FHDC1: variants seen among roughly 807,000 people sequenced by gnomAD.
The protein encoded by FHDC1 is FH2 domain containing 1.
FHDC1 carries 25 observed loss-of-function variants against 52.6 expected under a neutral mutation model. The ratio of observed to expected loss-of-function variants is 0.48; its 90% confidence interval spans 0.35 to 0.66. The LOEUF is 0.66. Ranked by LOEUF, FHDC1 falls within the 30% of genes least tolerant of loss-of-function variation. The pLI, the probability that FHDC1 is intolerant of heterozygous loss-of-function variation, is 0.01. For missense variants in FHDC1, 1,459 were observed against 1,452.8 expected (o/e 1.00, Z -0.07); for synonymous variants, 616 against 581.5 (o/e 1.06, Z -0.85).
Position 152,975,021 on chromosome 4 carries a change from G to C in FHDC1, c.1730G>C (p.Arg577Pro), listed in dbSNP as rs374872833. 143 of 1,612,510 alleles carry C rather than the reference G, an allele frequency of 8.9e-5. No individual in the cohort carries two copies. The highest frequency in any genetic ancestry group is 1.7e-4 in the Admixed American group (10 of 59,998). ...CACAGCCTGCCCCGGAGCAGCCCCCGGCAGGCCCGGCCCACGATAGCCTGC... is the reference window on the plus strand; with the variant it reads ...CACAGCCTGCCCCGGAGCAGCCCCCCGCAGGCCCGGCCCACGATAGCCTGC... The part of the protein sequence containing the change: ...KFHSLPRSSP[R>P]QARPTIACLE... Residue 577 changes from arginine (R) to proline (P), a missense_variant, in exon 12 of 12, where the codon CGG (arginine) becomes CCG (proline). Coordinates refer to ENST00000511601, the MANE Select transcript of FHDC1 (RefSeq NM_001371116.1).
At position 152,942,970 on chromosome 4, in the gene FHDC1, C is replaced by A. The variant is rs1739615584; in HGVS notation, c.-88C>A. ...TGCCCTTTATTCTGGCGGCAGATAG[C>A]AGCAGGTGAAAAAGTGCTACACAAG... On this transcript the variant is annotated 5_prime_UTR_variant, in exon 2 of 12. Transcript: ENST00000511601. 1.4e-6 allele frequency: 2 copies of A among 1,423,480 alleles called. No homozygotes were observed. The highest frequency in any genetic ancestry group is 1.9e-6 in the Non-Finnish European group (2 of 1,044,372). 88.2% of individuals were successfully genotyped at this position (1,423,480 alleles called of 1,614,324 possible). A position where few individuals can be genotyped will look rare whatever the true frequency, so the allele number is the denominator to read the frequency against.
At chr4:152,955,849 C>A (rs1432369760) in intron 4 of FHDC1, among the ~76,000 whole-genome samples, 1 of 152,206 alleles carries the variant, frequency 6.6e-6, no homozygotes, top group Non-Finnish European at 1.5e-5. Flanking sequence ...TGACTTCTCC[C>A]TCCCCTTTCC....
chr4:152,969,770 G>A (rs1740581609), intron 10 of FHDC1, among the ~76,000 whole-genome samples: 1 of 150,716 alleles, frequency 6.6e-6, no homozygotes, highest in African/African-American at 2.4e-5. Flanking sequence ...CCTGGGTTCA[G>A]GTGAGTCTCC....
Position 152,976,114 on chromosome 4 carries a change from C to T in FHDC1, c.2823C>T (p.Arg941=). ...PPSSTDTVWS[R]QNSVRRASTG... ...GCAGCACAGATACTGTGTGGTCACG[C>T]CAGAACTCCGTGCGGAGGGCCTCCA... Residue 941 remains arginine, a synonymous_variant, in exon 12 of 12, where the codon CGC becomes CGT. Coordinates refer to ENST00000511601, the MANE Select transcript of FHDC1 (RefSeq NM_001371116.1). The T allele has an allele frequency of 6.2e-7, 1 of 1,611,102 alleles. No homozygotes were observed. Among genetic ancestry groups the T allele is most frequent in the South Asian group, 1.1e-5 (1 of 90,748 alleles).
the FHDC1 span, chr4:152,927,703 G>A: frequency 6.6e-7 from 1 of 1,522,738 alleles, no homozygotes; most frequent in Admixed American, 1.7e-5. Flanking sequence ...ATGAAGATGA[G>A]ACCAACTTCC....
chr4:152,928,089 T>G, the FHDC1 span: 5 of 1,283,418 alleles, frequency 3.9e-6, no homozygotes, highest in Non-Finnish European at 5.7e-6. Flanking sequence ...CTCCCAGGCC[T>G]GTGCACCTAC....
the FHDC1 span, among the ~76,000 whole-genome samples, chr4:152,921,738 G>A: frequency 1.3e-5 from 2 of 152,000 alleles, no homozygotes; most frequent in African/African-American, 4.8e-5. Context: ...CCTTTGGGCT[G>A]CATTCATAGC....
At chr4:152,939,677 A>G (rs1739522405) in intron 1 of FHDC1, among the ~76,000 whole-genome samples, 1 of 152,236 alleles carries the variant, frequency 6.6e-6, no homozygotes, top group Non-Finnish European at 1.5e-5. Flanking sequence ...CATCACTCAA[A>G]CACAACTCTG....
intron 10 of FHDC1, among the ~76,000 whole-genome samples, chr4:152,968,795 C>T (rs1047302356): frequency 6.6e-6 from 1 of 152,122 alleles, no homozygotes; most frequent in Non-Finnish European, 1.5e-5. Flanking sequence ...GTTAAACTTT[C>T]GGATAACAGA....
Position 152,976,536 on chromosome 4 carries a change from A to G in FHDC1, c.3245A>G (p.Asp1082Gly). The change falls in exon 12 of 12, where the codon GAC becomes GGC. Residue 1082 changes from aspartate to glycine, a missense_variant. By Grantham distance (94) the Asp-to-Gly change is moderately conservative. Around this residue, in one of 3 missense-constraint regions of FHDC1, gnomAD observed 939 missense variants for 854.5 expected, o/e 1.10. Coordinates refer to ENST00000511601, the MANE Select transcript of FHDC1 (RefSeq NM_001371116.1). ...KGDPEDAAPKDSSTLRRASSA... is the reference protein window; with the variant it reads ...KGDPEDAAPKGSSTLRRASSA... ...GACCCCGAGGATGCCGCTCCCAAGG[A>G]CAGCAGCACTTTGAGGCGAGCCAGC... 1 of 1,613,080 alleles carries G rather than the reference A, an allele frequency of 6.2e-7. No homozygotes were observed. The highest frequency in any genetic ancestry group is 1.1e-5 in the South Asian group (1 of 91,060).
chr4:152,953,529 A>G lies in FHDC1; in HGVS notation c.529A>G (p.Asn177Asp). Residue 177 changes from asparagine (N) to aspartate (D), a missense_variant, in exon 3 of 12, where the codon AAC (asparagine) becomes GAC (aspartate). Physicochemically the swap from Asn to Asp is conservative, Grantham distance 23. Transcript: ENST00000511601. ...TATTTTGGATGCAAAACGGAGCATG[A>G]ACATTGGGATATTTCTTAAGCAATT... ...ITILDAKRSMNIGIFLKQFKK... is the reference protein window; with the variant it reads ...ITILDAKRSMDIGIFLKQFKK... 1 of 1,612,640 alleles carries G rather than the reference A, an allele frequency of 6.2e-7. No individual in the cohort carries two copies. The highest frequency in any genetic ancestry group is 8.5e-7 in the Non-Finnish European group (1 of 1,179,906).
the FHDC1 span, chr4:152,928,345 C>T: frequency 3.7e-5 from 17 of 460,590 alleles, no homozygotes; most frequent in Non-Finnish European, 5.6e-5. Context: ...TTAACCAATC[C>T]AATCTAAAAA....
At chr4:152,957,843 A>G (rs749200008) in intron 4 of FHDC1, among the ~76,000 whole-genome samples, 2 of 152,306 alleles carry the variant, frequency 1.3e-5, no homozygotes, top group Non-Finnish European at 2.9e-5. Flanking sequence ...TCACACTTGC[A>G]GAGGAAGAAG....
intron 2 of FHDC1, among the ~76,000 whole-genome samples, chr4:152,946,954 C>T (rs1739750832): frequency 6.6e-6 from 1 of 152,094 alleles, no homozygotes; most frequent in African/African-American, 2.4e-5. Context: ...CACGGTGGCT[C>T]GCACCTGTAA....
Position 152,975,671 on chromosome 4 carries a change from A to AGAGGCGGGGACCCGGAGG in FHDC1, c.2381_2398dup (p.Glu799_Glu800insGlyGlyGlyAspProGlu), listed in dbSNP as rs764544733. 46 of 1,613,054 alleles carry AGAGGCGGGGACCCGGAGG rather than the reference A, an allele frequency of 2.9e-5. No individual in the cohort carries two copies. Among genetic ancestry groups the AGAGGCGGGGACCCGGAGG allele is most frequent in the Non-Finnish European group, 3.7e-5 (44 of 1,179,710 alleles). ...CTCAGAGGGAACCGACTCCAGACCC[A>AGAGGCGGGGACCCGGAGG]GAGGCGGGGACCCGGAGGAAGGCGG... On this transcript the variant is annotated inframe_insertion, in exon 12 of 12. Coordinates refer to ENST00000511601, the MANE Select transcript of FHDC1 (RefSeq NM_001371116.1).
chr4:152,911,872 G>A, the FHDC1 span: 1 of 152,424 alleles, frequency 6.6e-6, no homozygotes, highest in Non-Finnish European at 1.5e-5. Context: ...TGCCTCTAGT[G>A]TGAATTTTGT....
At chr4:152,970,959 T>C (rs1311946918) in intron 10 of FHDC1, among the ~76,000 whole-genome samples, 6 of 152,172 alleles carry the variant, frequency 3.9e-5, no homozygotes, top group African/African-American at 1.2e-4. Context: ...CATCCCCACT[T>C]CACTCAAAAA....
the FHDC1 span, among the ~76,000 whole-genome samples, chr4:152,917,481 T>C: frequency 6.6e-6 from 1 of 152,170 alleles, no homozygotes; most frequent in African/African-American, 2.4e-5. Flanking sequence ...TAAAGGATAT[T>C]TATTTATATT....
At chr4:152,958,968 C>G (rs907169057) in intron 4 of FHDC1, among the ~76,000 whole-genome samples, 7 of 152,154 alleles carry the variant, frequency 4.6e-5, no homozygotes, top group African/African-American at 1.7e-4. Context: ...CGAAGTGTTA[C>G]ATTTTATATT....
Sources: allele counts gnomAD v4.1 joint callset (sites outside exome capture counted in the v4.1 genomes callset), GRCh38; gene constraint gnomAD v4.1.1; regional missense constraint gnomAD v4.1.1; transcripts MANE v1.5; gene names NCBI Gene and HGNC (gene_info 2026-07-23, HGNC 2026-07-21).